Variants in EYS observed in about 807,000 individuals in gnomAD.
EYS encodes protein eyes shut homolog.
Under a neutral mutation model 282.1 loss-of-function variants are expected in EYS, and 250 were observed. That is an observed-to-expected ratio of 0.89 (90% CI 0.80 to 0.98). EYS has a LOEUF of 0.98. Among genes scored for constraint, EYS ranks in the 50% least tolerant of loss-of-function variants. EYS has a pLI of 0.00. For synonymous variants in EYS, 1,355 were observed against 1,282.9 expected (o/e 1.06, Z -1.20); for missense variants, 4,016 against 3,709.0 (o/e 1.08, Z -2.15).
At chr6:64,914,967 A>G (rs886652376) in intron 15 of EYS, among the ~76,000 whole-genome samples, 1 of 152,096 alleles carries the variant, frequency 6.6e-6, no homozygotes, top group African/African-American at 2.4e-5. Flanking sequence ...TTTACTTAAT[A>G]TTTTATTTTC....
intron 18 of EYS, among the ~76,000 whole-genome samples, chr6:64,898,877 T>A (rs1340763610): frequency 1.3e-5 from 2 of 151,318 alleles, no homozygotes; most frequent in African/African-American, 4.9e-5. Context: ...TACATAACGG[T>A]AAAGGGATCA....
intron 30 of EYS, among the ~76,000 whole-genome samples, chr6:64,278,038 G>T (rs1186106916): frequency 6.6e-6 from 1 of 152,082 alleles, no homozygotes; most frequent in Non-Finnish European, 1.5e-5. Context: ...CTTAAGAGGG[G>T]CATGTAGAAG....
At chr6:65,365,403 G>A (rs1445483973) in intron 8 of EYS, among the ~76,000 whole-genome samples, 1 of 151,562 alleles carries the variant, frequency 6.6e-6, no homozygotes, top group East Asian at 1.9e-4. Context: ...TTAACCTGTG[G>A]ATCTCTGTCT....
In EYS at chr6:65,317,825, CCTTTCTTTCTTTCTTTCTTTCTTTCTTT is replaced by C. The variant is rs201156936; in HGVS notation, c.1766+17127_1766+17154del. Among the ~76,000 whole-genome samples the C allele has an allele frequency of 4.8e-3, 389 of 81,224 alleles. 16 individuals are homozygous for C. The highest frequency in any genetic ancestry group is 0.033 in the East Asian group (106 of 3,190). 53.3% of individuals were successfully genotyped at this position (81,224 alleles called of 152,430 possible). A position where few individuals can be genotyped will look rare whatever the true frequency, so the allele number is the denominator to read the frequency against. On this transcript the variant is annotated intron_variant, in intron 11 of 42. Transcript: ENST00000503581. ...TCCTTCCTTCCTTCCTTCCTTCCTT[CCTTTCTTTCTTTCTTTCTTTCTTTCTTT>C]CTTTCTTTCTTTCTTTCTTTCTTTC...
intron 28 of EYS, among the ~76,000 whole-genome samples, chr6:64,413,554 AC>A (rs1561981252): frequency 2.8e-5 from 4 of 143,268 alleles, no homozygotes; most frequent in African/African-American, 7.7e-5. Flanking sequence ...AACAACAACA[AC>A]AACAAAAACC....
intron 22 of EYS, among the ~76,000 whole-genome samples, chr6:64,686,538 G>C (rs577936436): frequency 1.3e-5 from 2 of 150,710 alleles, no homozygotes; most frequent in South Asian, 4.2e-4. Flanking sequence ...TCAGGAGATC[G>C]AGACCATCCT....
At chr6:65,547,825 GAGA>G (rs1211973729) in intron 2 of EYS, among the ~76,000 whole-genome samples, 1 of 152,192 alleles carries the variant, frequency 6.6e-6, no homozygotes, top group Non-Finnish European at 1.5e-5. Context: ...CCCTGAAACA[GAGA>G]AGGTCAAGAA....
intron 14 of EYS, 53 bp from the exon 15 acceptor site, chr6:64,945,967 A>G (rs562589675): frequency 6.3e-4 from 846 of 1,342,748 alleles, no homozygotes; most frequent in African/African-American, 5.7e-3. Context: ...TATTAAGCCT[A>G]TAATACAGAT....
intron 26 of EYS, among the ~76,000 whole-genome samples, chr6:64,578,421 T>C (rs1354647432): frequency 6.6e-6 from 1 of 152,140 alleles, no homozygotes; most frequent in East Asian, 1.9e-4. Flanking sequence ...GCTTTTCTTC[T>C]CCCCTATAGC....
intron 33 of EYS, among the ~76,000 whole-genome samples, chr6:64,037,678 C>T (rs145202805): frequency 4.5e-4 from 68 of 152,254 alleles, no homozygotes; most frequent in Non-Finnish European, 3.2e-4. Context: ...AACTATGAAA[C>T]AATGAATAAA....
At chr6:65,358,924 G>T (rs918638600) in intron 8 of EYS, among the ~76,000 whole-genome samples, 2 of 151,928 alleles carry the variant, frequency 1.3e-5, no homozygotes, top group Non-Finnish European at 2.9e-5. Context: ...CTGAAAAGAG[G>T]AATCAATTCA....
chr6:65,084,035 A>G (rs1774296607), intron 12 of EYS, among the ~76,000 whole-genome samples: 1 of 151,828 alleles, frequency 6.6e-6, no homozygotes, highest in East Asian at 1.9e-4. Flanking sequence ...CTGAAACTTC[A>G]TTTATCTTTG....
chr6:64,571,377 A>G (rs1031848071), intron 26 of EYS, among the ~76,000 whole-genome samples: 2 of 152,190 alleles, frequency 1.3e-5, no homozygotes, highest in Admixed American at 6.5e-5. Flanking sequence ...ACTAGAAAGT[A>G]AGAGCAAACA....
intron 5 of EYS, among the ~76,000 whole-genome samples, chr6:65,416,854 G>A (rs1039209406): frequency 1.3e-5 from 2 of 151,942 alleles, no homozygotes; most frequent in Non-Finnish European, 2.9e-5. Flanking sequence ...TTTCTATGGG[G>A]AGAGAAAGAA....
chr6:64,272,330 T>C (rs1767970454), intron 30 of EYS, among the ~76,000 whole-genome samples: 1 of 152,168 alleles, frequency 6.6e-6, no homozygotes, highest in Non-Finnish European at 1.5e-5. Flanking sequence ...TGCTAGCTGG[T>C]TATTTTGCCT....
intron 20 of EYS, 146 bp downstream of exon 20, chr6:64,822,505 G>A: frequency 3.1e-6 from 2 of 647,448 alleles, no homozygotes. Flanking sequence ...AAAACTGGCA[G>A]CATCTGTCAT....
At chr6:65,119,929 A>AGATC (rs1775481424) in intron 12 of EYS, among the ~76,000 whole-genome samples, 1 of 151,698 alleles carries the variant, frequency 6.6e-6, no homozygotes, top group Non-Finnish European at 1.5e-5. Context: ...CGAGGTCAGG[A>AGATC]GATCGAGACC....
chr6:63,990,800 G>C (rs555010760), intron 34 of EYS, among the ~76,000 whole-genome samples: 1 of 151,674 alleles, frequency 6.6e-6, no homozygotes, highest in East Asian at 2.0e-4. Flanking sequence ...TCAATATCTG[G>C]GGACTGCTGA....
intron 2 of EYS, among the ~76,000 whole-genome samples, chr6:65,561,493 T>C (rs983665603): frequency 6.6e-6 from 1 of 152,262 alleles, no homozygotes; most frequent in Admixed American, 6.5e-5. Flanking sequence ...ACATTTTTTG[T>C]TGACCTAATT....
Sources: gnomAD v4.1 joint callset for allele counts (sites outside exome capture counted in the v4.1 genomes callset) on GRCh38, gnomAD v4.1.1 for gene constraint, MANE v1.5 for transcripts, NCBI Gene and HGNC (gene_info 2026-07-23, HGNC 2026-07-21) for gene names.